The following IL1RAPL1 variants were observed in gnomAD, a reference collection of about 807,000 sequenced individuals.
IL1RAPL1 encodes interleukin-1 receptor accessory protein-like 1.
A neutral mutation model predicts 48.4 loss-of-function variants in IL1RAPL1; 3 were observed. The ratio of observed to expected loss-of-function variants is 0.06; its 90% confidence interval spans 0.03 to 0.16. The LOEUF (loss-of-function observed/expected upper bound fraction) is 0.16, where lower values mean the gene tolerates loss of function less well. Among genes scored for constraint, IL1RAPL1 ranks in the 10% least tolerant of loss-of-function variants. IL1RAPL1 has a pLI of 1.00. For missense variants in IL1RAPL1, 349 were observed against 530.6 expected (o/e 0.66, Z 3.36); for synonymous variants, 185 against 187.7 (o/e 0.99, Z 0.12).
intron 6 of IL1RAPL1, among the ~76,000 whole-genome samples, chrX:29,870,850 A>T (rs2147209179): frequency 8.9e-6 from 1 of 112,450 alleles, no homozygotes; most frequent in South Asian, 3.7e-4. Flanking sequence ...ATGGACTGGA[A>T]ACTTGTCTAT....
intron 5 of IL1RAPL1, among the ~76,000 whole-genome samples, chrX:29,648,780 G>T (rs1362345286): frequency 1.8e-5 from 2 of 111,081 alleles, no homozygotes; most frequent in East Asian, 5.6e-4. Flanking sequence ...GAATAATAAA[G>T]ATCAGAGCAG....
chrX:28,702,212 T>C (rs1265380414), intron 1 of IL1RAPL1, among the ~76,000 whole-genome samples: 8 of 111,859 alleles, frequency 7.2e-5, no homozygotes, highest in Non-Finnish European at 1.5e-4. Flanking sequence ...TTGTTAGTTA[T>C]GTTGTGTTTT....
chrX:29,528,500 A>C (rs1935577898), intron 5 of IL1RAPL1, among the ~76,000 whole-genome samples: 1 of 112,587 alleles, frequency 8.9e-6, no homozygotes, highest in South Asian at 3.6e-4. Context: ...CTGTGTAAAA[A>C]ATTACCACAA....
At chrX:29,321,574 G>T (rs899954021) in intron 3 of IL1RAPL1, among the ~76,000 whole-genome samples, 1 of 111,650 alleles carries the variant, frequency 9.0e-6, no homozygotes, top group African/African-American at 3.3e-5. Context: ...GTGTGTAGTC[G>T]CACAGTGATA....
At chrX:29,897,438 G>C (rs1343562745) in intron 6 of IL1RAPL1, among the ~76,000 whole-genome samples, 1 of 111,922 alleles carries the variant, frequency 8.9e-6, no homozygotes, top group East Asian at 2.8e-4. Flanking sequence ...TTAAAGAAGA[G>C]AACATAAATA....
intron 2 of IL1RAPL1, among the ~76,000 whole-genome samples, chrX:29,204,266 C>T (rs1386547075): frequency 8.9e-6 from 1 of 111,829 alleles, no homozygotes; most frequent in African/African-American, 3.3e-5. Context: ...TATGGTAGTT[C>T]TATTTTTAGT....
At chrX:29,541,832 GTAC>G (rs1921449616) in intron 5 of IL1RAPL1, among the ~76,000 whole-genome samples, 1 of 110,689 alleles carries the variant, frequency 9.0e-6, no homozygotes, top group Non-Finnish European at 1.9e-5. Context: ...ACTATGCTCA[GTAC>G]CTGTGTGAGA....
chrX:29,121,048 A>G (rs998091857), intron 2 of IL1RAPL1, among the ~76,000 whole-genome samples: 1 of 111,978 alleles, frequency 8.9e-6, no homozygotes, highest in Non-Finnish European at 1.9e-5. Context: ...CCCTTTCATG[A>G]TAAGAAGTCT....
At chrX:29,363,352 CT>C (rs1284610404) in intron 3 of IL1RAPL1, among the ~76,000 whole-genome samples, 1 of 111,550 alleles carries the variant, frequency 9.0e-6, no homozygotes, top group Non-Finnish European at 1.9e-5. Flanking sequence ...CTCATATCCC[CT>C]GTCATATCTA....
intron 2 of IL1RAPL1, among the ~76,000 whole-genome samples, chrX:28,897,684 C>T (rs1238882919): frequency 8.9e-6 from 1 of 111,883 alleles, no homozygotes; most frequent in African/African-American, 3.3e-5. Context: ...GGAGTTCCCC[C>T]CTCCCCGATC....
At chrX:29,879,884 G>A (rs1303638987) in intron 6 of IL1RAPL1, among the ~76,000 whole-genome samples, 2 of 110,742 alleles carry the variant, frequency 1.8e-5, no homozygotes, top group Non-Finnish European at 1.9e-5. Context: ...TTCCGTAAGT[G>A]TAAAAAAATA....
chrX:28,773,712 AT>A (rs1936332024), intron 1 of IL1RAPL1, among the ~76,000 whole-genome samples: 1 of 111,508 alleles, frequency 9.0e-6, no homozygotes, highest in Non-Finnish European at 1.9e-5. Flanking sequence ...CCTCCCCTAT[AT>A]CACCAATTTA....
rs747658735 is a variant in IL1RAPL1 at position 28,656,937 on chromosome X, A to C, written c.-25+68890A>C. 2.9e-3 allele frequency among the ~76,000 whole-genome samples: 316 copies of C among 107,686 alleles called. 2 individuals are homozygous for C. Among genetic ancestry groups the C allele is most frequent in the Non-Finnish European group, 5.4e-3 (283 of 52,009 alleles). The allele number at this position is 107,686 out of a possible 115,157, so 93.5% of individuals were successfully genotyped here. ...GCTACTCGGGAGGCTGAGGCAGGAG[A>C]ATGGCATGAACCCCGGGAGGCGGAG... is the stretch of plus-strand genomic sequence containing the variant. On this transcript the variant is annotated intron_variant, in intron 1 of 10. Coordinates refer to ENST00000378993, the MANE Select transcript of IL1RAPL1 (RefSeq NM_014271.4).
At chrX:29,413,998 A>G (rs1161535445) in intron 5 of IL1RAPL1, among the ~76,000 whole-genome samples, 2 of 111,132 alleles carry the variant, frequency 1.8e-5, no homozygotes, top group Admixed American at 1.9e-4. Flanking sequence ...ATTTGCATCT[A>G]AGAAATCAGG....
chrX:29,704,350 C>T (rs1429393225), intron 6 of IL1RAPL1, among the ~76,000 whole-genome samples: 4 of 111,042 alleles, frequency 3.6e-5, no homozygotes, highest in Non-Finnish European at 7.6e-5. Flanking sequence ...GTTGGAAGGC[C>T]GACTAACATG....
intron 5 of IL1RAPL1, among the ~76,000 whole-genome samples, chrX:29,460,315 G>T (rs900108588): frequency 8.9e-6 from 1 of 111,843 alleles, no homozygotes; most frequent in South Asian, 3.7e-4. Context: ...TCCCCACCTG[G>T]AGTGGACTGC....
chrX:29,069,311 T>G (rs1927513214), intron 2 of IL1RAPL1, among the ~76,000 whole-genome samples: 1 of 111,837 alleles, frequency 8.9e-6, no homozygotes, highest in Admixed American at 9.5e-5. Flanking sequence ...GAAATAAAGT[T>G]AATTTTGTAT....
At chrX:28,955,492 A>G (rs1924582622) in intron 2 of IL1RAPL1, among the ~76,000 whole-genome samples, 1 of 109,713 alleles carries the variant, frequency 9.1e-6, no homozygotes, top group Admixed American at 9.7e-5. Flanking sequence ...TCAGCTTTCT[A>G]CATAGGGCTA....
At chrX:28,717,498 G>A (rs1042546248) in intron 1 of IL1RAPL1, among the ~76,000 whole-genome samples, 3 of 111,304 alleles carry the variant, frequency 2.7e-5, no homozygotes, top group Admixed American at 9.6e-5. Flanking sequence ...GCCTACCAGA[G>A]GGTAGAGGGT....
Sources: allele counts gnomAD v4.1 joint callset (sites outside exome capture counted in the v4.1 genomes callset), GRCh38; gene constraint gnomAD v4.1.1; transcripts MANE v1.5; gene names NCBI Gene and HGNC (gene_info 2026-07-23, HGNC 2026-07-21).